CCDC169: variants seen among roughly 807,000 people sequenced by gnomAD.
CCDC169 encodes coiled-coil domain-containing protein 169.
CCDC169 carries 30 observed loss-of-function variants against 36.0 expected under a neutral mutation model. That is an observed-to-expected ratio of 0.83 (90% CI 0.62 to 1.13). CCDC169 has a LOEUF of 1.13. Ranked by LOEUF, CCDC169 falls within the 50% of genes most tolerant of loss-of-function variation. The pLI, the probability that CCDC169 is intolerant of heterozygous loss-of-function variation, is 0.00. For synonymous variants in CCDC169, 85 were observed against 81.5 expected (o/e 1.04, Z -0.23); for missense variants, 245 against 245.9 (o/e 1.00, Z 0.03).
chr13:36,274,650 C>A (rs1463858558), intron 4 of CCDC169: 1 of 152,126 alleles, frequency 6.6e-6, no homozygotes, highest in Non-Finnish European at 1.5e-5. Flanking sequence ...TTGTTTCTGA[C>A]ACTAATAACT....
At chr13:36,243,597 G>A (rs1209967090) in intron 7 of CCDC169, among the ~76,000 whole-genome samples, 4 of 149,632 alleles carry the variant, frequency 2.7e-5, no homozygotes, top group South Asian at 2.1e-4. Context: ...ACCTGAGGTC[G>A]GAAGTTCGAG....
At chr13:36,292,202 C>G (rs547749248) in intron 2 of CCDC169, among the ~76,000 whole-genome samples, 1 of 152,180 alleles carries the variant, frequency 6.6e-6, no homozygotes, top group Admixed American at 6.5e-5. Flanking sequence ...CCATGTTGGC[C>G]AGGCTGGTCT....
intron 4 of CCDC169, among the ~76,000 whole-genome samples, chr13:36,257,710 G>GA (rs1874091419): frequency 6.7e-6 from 1 of 148,344 alleles, no homozygotes; most frequent in South Asian, 2.1e-4. Flanking sequence ...TAAAAAAAAA[G>GA]AAAAAAAGAA....
chr13:36,227,208 T>C, downstream of CCDC169: 1 of 1,542,146 alleles, frequency 6.5e-7, no homozygotes, highest in Non-Finnish European at 8.8e-7. Flanking sequence ...CTTTTAGCTC[T>C]TCAGGTGAGT....
intron 4 of CCDC169, among the ~76,000 whole-genome samples, chr13:36,263,828 C>A (rs922548040): frequency 2.6e-5 from 4 of 152,082 alleles, no homozygotes; most frequent in African/African-American, 9.7e-5. Flanking sequence ...TAAACTGAAT[C>A]ATTTTATAGA....
chr13:36,226,934 T>A (rs1869907957), downstream of CCDC169: 1 of 420,946 alleles, frequency 2.4e-6, no homozygotes, highest in Admixed American at 3.9e-5. Context: ...CAGGTACCTC[T>A]GAATCTAAAA....
In CCDC169 at chr13:36,283,499, A is replaced by C; in HGVS notation, c.285T>G (p.Ser95=). 6.4e-7 allele frequency: 1 copy of C among 1,550,516 alleles called. No homozygotes were observed. The stretch of plus-strand genomic sequence containing the variant: ...GCATTCGTTCATAGACACGAATAGA[A>C]GATAGTCTATCTACAATAAATCAAA... ...KIHGNSSDRL[S]SIRVYERMPV... Residue 95 remains serine (S), a synonymous_variant, in exon 4 of 8, where the codon TCT becomes TCG. Transcript: ENST00000239859.
intron 1 of CCDC169, 124 bp downstream of exon 1, chr13:36,297,513 G>C: frequency 1.2e-6 from 1 of 852,718 alleles, no homozygotes; most frequent in South Asian, 1.5e-5. Context: ...CCAGACCGAA[G>C]TGCCCAGGGG....
At chr13:36,252,877 T>C (rs1594026592) in intron 6 of CCDC169, among the ~76,000 whole-genome samples, 1 of 152,198 alleles carries the variant, frequency 6.6e-6, no homozygotes, top group Admixed American at 6.5e-5. Flanking sequence ...ATAAGATTAA[T>C]ATTGATTAAA....
chr13:36,261,487 A>G (rs1372886134), intron 4 of CCDC169, among the ~76,000 whole-genome samples: 1 of 152,214 alleles, frequency 6.6e-6, no homozygotes, highest in African/African-American at 2.4e-5. Context: ...TGCCTCAGCC[A>G]GCAACATAAT....
At chr13:36,296,016 C>T (rs1177213845) in intron 1 of CCDC169, among the ~76,000 whole-genome samples, 159 bp from the exon 2 acceptor site, 1 of 152,110 alleles carries the variant, frequency 6.6e-6, no homozygotes, top group Non-Finnish European at 1.5e-5. Context: ...GGAAGGCTTC[C>T]AATTAGTCAG....
At chr13:36,240,233 G>A (rs1162972326) in intron 7 of CCDC169, among the ~76,000 whole-genome samples, 2 of 151,330 alleles carry the variant, frequency 1.3e-5, no homozygotes, top group African/African-American at 4.9e-5. Flanking sequence ...TAGTCTATCT[G>A]GACTATCTCT....
intron 2 of CCDC169, among the ~76,000 whole-genome samples, chr13:36,285,089 T>G (rs556499876): frequency 1.4e-4 from 21 of 152,332 alleles, no homozygotes; most frequent in Non-Finnish European, 2.4e-4. Flanking sequence ...GGTATCCCCT[T>G]TCCTAACATG....
chr13:36,251,878 A>G (rs558918467), intron 6 of CCDC169, among the ~76,000 whole-genome samples: 1 of 152,176 alleles, frequency 6.6e-6, no homozygotes, highest in Non-Finnish European at 1.5e-5. Flanking sequence ...GATATTCACC[A>G]TTTACTGGAA....
At chr13:36,291,687 A>C (rs911813212) in intron 2 of CCDC169, among the ~76,000 whole-genome samples, 20 of 152,134 alleles carry the variant, frequency 1.3e-4, no homozygotes, top group Non-Finnish European at 2.8e-4. Flanking sequence ...TTGCATTTTA[A>C]TAATGGCAGC....
At chr13:36,235,395 T>A (rs1412703429) in intron 7 of CCDC169, among the ~76,000 whole-genome samples, 2 of 152,034 alleles carry the variant, frequency 1.3e-5, no homozygotes, top group South Asian at 2.1e-4. Flanking sequence ...TTTTCAAGTT[T>A]CTTAAGGTAA....
chr13:36,265,645 G>A (rs1016047259), intron 4 of CCDC169, among the ~76,000 whole-genome samples: 1 of 152,162 alleles, frequency 6.6e-6, no homozygotes, highest in African/African-American at 2.4e-5. Context: ...GTCTTCCCTG[G>A]GATAAGAGAT....
chr13:36,227,348 C>T, downstream of CCDC169: 1 of 1,550,374 alleles, frequency 6.5e-7, no homozygotes, highest in Non-Finnish European at 8.7e-7. Flanking sequence ...AGCAGCTGAC[C>T]TTTAAAGGGT....
At chr13:36,281,691 G>A (rs188144610) in intron 4 of CCDC169, among the ~76,000 whole-genome samples, 20 of 152,044 alleles carry the variant, frequency 1.3e-4, no homozygotes, top group African/African-American at 4.1e-4. Context: ...GTGAAACCTC[G>A]TCTCTACTAA....
Sources: gnomAD v4.1 joint callset for allele counts (sites outside exome capture counted in the v4.1 genomes callset) on GRCh38, gnomAD v4.1.1 for gene constraint, MANE v1.5 for transcripts, NCBI Gene and HGNC (gene_info 2026-07-23, HGNC 2026-07-21) for gene names.